The following PRR12 variants were observed in gnomAD, a reference collection of about 807,000 sequenced individuals.
The protein encoded by PRR12 is proline-rich protein 12.
A neutral mutation model predicts 138.0 loss-of-function variants in PRR12; 12 were observed. The observed-to-expected ratio is 0.09, with a 90% confidence interval of 0.06 to 0.14. The LOEUF (loss-of-function observed/expected upper bound fraction) is 0.14. PRR12 is among the 10% of genes least tolerant of loss of function. PRR12 has a pLI of 1.00. For missense variants in PRR12, 2,692 were observed against 2,861.3 expected, an observed-to-expected ratio of 0.94 and a Z score of 1.35; for synonymous variants, 1,567 against 1,291.7, an observed-to-expected ratio of 1.21 and a Z score of -4.57.
intron 4 of PRR12, among the ~76,000 whole-genome samples, chr19:49,598,604 G>A (rs1402031479): frequency 6.6e-6 from 1 of 152,134 alleles, no homozygotes; most frequent in African/African-American, 2.4e-5. Context: ...AGGATCTCTT[G>A]AACCCAGATG....
Position 49,625,058 on chromosome 19 carries a change from G to C in PRR12, c.5869-47G>C. ...TATGTGGGAAGGGAGGAGAGGGGCT[G>C]CCAAGTGCCGGGCTGGAGGGGCTGA... On this transcript the variant is annotated intron_variant, in intron 12 of 13. Transcript: ENST00000418929. This position sits in a 1 kb window ranked among gnomAD's most constrained non-coding sequence, Gnocchi z 5.5. 1 of 1,612,224 alleles carries C rather than the reference G, an allele frequency of 6.2e-7. No individual in the cohort carries two copies. The highest frequency in any genetic ancestry group is 8.5e-7 in the Non-Finnish European group (1 of 1,178,556).
chr19:49,618,893 G>A (rs1407152095), intron 9 of PRR12, among the ~76,000 whole-genome samples: 1 of 151,802 alleles, frequency 6.6e-6, no homozygotes, highest in Non-Finnish European at 1.5e-5. Context: ...GCTTGGCTTA[G>A]GAGGGATCTT....
Position 49,625,786 on chromosome 19 carries a change from G to C in PRR12, c.*179G>C. The C allele has an allele frequency of 1.5e-6, 1 of 647,974 alleles. No homozygotes were observed. The highest frequency in any genetic ancestry group is 2.4e-6 in the Non-Finnish European group (1 of 420,372). 40.1% of individuals were successfully genotyped at this position (647,974 alleles called of 1,614,324 possible). A position where few individuals can be genotyped will look rare whatever the true frequency, so the allele number is the denominator to read the frequency against. On this transcript the variant is annotated 3_prime_UTR_variant, in exon 14 of 14. Coordinates refer to ENST00000418929, the MANE Select transcript of PRR12 (RefSeq NM_020719.3). The surrounding 1 kb of genome is among the most constrained non-coding windows in gnomAD (Gnocchi z 5.5). ...AAGTCCGACTCCCCCCCTCTCCCAAGCCCCCTCCACTCCCTCCCCATTCCT... is the reference window on the plus strand; with the variant it reads ...AAGTCCGACTCCCCCCCTCTCCCAACCCCCCTCCACTCCCTCCCCATTCCT...
intron 9 of PRR12, among the ~76,000 whole-genome samples, chr19:49,619,622 A>C (rs1415687473): frequency 3.0e-5 from 4 of 131,280 alleles, no homozygotes; most frequent in Non-Finnish European, 6.3e-5. Context: ...GCTCACCGCA[A>C]CCTCCGCCTC....
chr19:49,601,940 A>C, intron 6 of PRR12, 22 bp downstream of exon 6: 1 of 1,605,068 alleles, frequency 6.2e-7, no homozygotes, highest in East Asian at 2.2e-5. Context: ...CCTTCTCCAG[A>C]AACTGGGCCT....
intron 1 of PRR12, among the ~76,000 whole-genome samples, chr19:49,592,259 C>T (rs1193299708): frequency 6.7e-6 from 1 of 149,816 alleles, no homozygotes; most frequent in Non-Finnish European, 1.5e-5. Context: ...CGCCCCCTTC[C>T]TAAGCTGGGG....
chr19:49,592,065 C>G (rs2080731672), intron 1 of PRR12, among the ~76,000 whole-genome samples: 1 of 152,084 alleles, frequency 6.6e-6, no homozygotes, highest in South Asian at 2.1e-4. Context: ...GGATTCCCGG[C>G]TTGGTGACCC....
At position 49,594,475 on chromosome 19, in the gene PRR12, C is replaced by T; in HGVS notation, c.221C>T (p.Thr74Ile). 1 of 1,610,690 alleles carries T rather than the reference C, an allele frequency of 6.2e-7. No homozygotes were observed. Among genetic ancestry groups the T allele is most frequent in the Non-Finnish European group, 8.5e-7 (1 of 1,178,702 alleles). The change falls in exon 3 of 14, where the codon ACT becomes ATT. Residue 74 changes from threonine (T) to isoleucine (I), a missense_variant. By Grantham distance (89) the Thr-to-Ile change is moderately conservative. Transcript: ENST00000418929. The surrounding 1 kb of genome is among the most constrained non-coding windows in gnomAD (Gnocchi z 5.6). ...CCAGGCCTCTCTGGACTCTTCGACACTGGCCTCCACCACGCGGGCTCAGCA... is the reference window on the plus strand; with the variant it reads ...CCAGGCCTCTCTGGACTCTTCGACATTGGCCTCCACCACGCGGGCTCAGCA... ...HPAGLSGLFDTGLHHAGSAGP... is the reference protein window; with the variant it reads ...HPAGLSGLFDIGLHHAGSAGP...
chr19:49,617,130 CAA>C (rs774039937), intron 9 of PRR12, among the ~76,000 whole-genome samples: 10 of 75,998 alleles, frequency 1.3e-4, no homozygotes, highest in Middle Eastern at 7.6e-3. Flanking sequence ...GACTCCGTCT[CAA>C]AAAAAAAAAA....
At chr19:49,607,139 A>G (rs537042429) in intron 6 of PRR12, among the ~76,000 whole-genome samples, 59 of 152,094 alleles carry the variant, frequency 3.9e-4, no homozygotes, top group Non-Finnish European at 8.1e-4. Context: ...AAGGAAAAAA[A>G]AAAGAAAGAA....
In PRR12 at chr19:49,595,009, C is replaced by A. The variant is rs772629285; in HGVS notation, c.674C>A (p.Pro225His). The A allele has an allele frequency of 2.5e-6, 4 of 1,599,178 alleles. No individual in the cohort carries two copies. The East Asian group carries it at 9.1e-5, about 36-fold the overall frequency. Residue 225 changes from proline to histidine, a missense_variant, in exon 4 of 14, where the codon CCC becomes CAC. Around this residue, in one of 11 missense-constraint regions of PRR12, gnomAD observed 523 missense variants for 496.4 expected, o/e 1.05. Transcript: ENST00000418929. ...GCTGGTCTCGGTCCAGCCCAGACCC[C>A]CCCTTACCGCCCTGGCCCCCCAGAC... ...GPAGLGPAQTPPYRPGPPDPP... is the reference protein window; with the variant it reads ...GPAGLGPAQTHPYRPGPPDPP...
At chr19:49,610,357 A>G (rs1213187008) in intron 6 of PRR12, among the ~76,000 whole-genome samples, 1 of 152,030 alleles carries the variant, frequency 6.6e-6, no homozygotes, top group Non-Finnish European at 1.5e-5. Context: ...CTTACACCAC[A>G]TGTCTTAGCT....
chr19:49,593,629 C>T (rs1283105328), intron 2 of PRR12, among the ~76,000 whole-genome samples, 190 bp downstream of exon 2: 1 of 152,068 alleles, frequency 6.6e-6, no homozygotes, highest in Non-Finnish European at 1.5e-5. Flanking sequence ...CGGATTCGTC[C>T]GCCCCTGCCT....
Position 49,596,751 on chromosome 19 carries a change from C to T in PRR12, c.2416C>T (p.Leu806Phe). 2 of 1,604,670 alleles carry T rather than the reference C, an allele frequency of 1.2e-6. No homozygotes were observed. Among genetic ancestry groups the T allele is most frequent in the South Asian group, 1.1e-5 (1 of 90,952 alleles). Residue 806 changes from leucine to phenylalanine, a missense_variant, in exon 4 of 14, where the codon CTC becomes TTC. Around this residue, in one of 11 missense-constraint regions of PRR12, gnomAD observed 840 missense variants for 689.8 expected, o/e 1.22. Coordinates refer to ENST00000418929, the MANE Select transcript of PRR12 (RefSeq NM_020719.3). This position sits in a 1 kb window ranked among gnomAD's most constrained non-coding sequence, Gnocchi z 5.6. ...PPPPQLLPSV[L>F]SHAPSPSPSA... ...TCCCCCCCAGCTGCTCCCCTCGGTC[C>T]TCAGCCATGCCCCCAGTCCCTCTCC... is the stretch of plus-strand genomic sequence containing the variant.
chr19:49,621,053 G>GA (rs1357100493), intron 10 of PRR12, among the ~76,000 whole-genome samples: 4 of 111,332 alleles, frequency 3.6e-5, no homozygotes, highest in African/African-American at 3.7e-5. Flanking sequence ...AGGGAGGAGG[G>GA]GCTGGGGCCT....
chr19:49,597,894 C>T lies in PRR12; in HGVS notation c.3559C>T (p.Pro1187Ser), dbSNP rs1251010222. ...RPLEVPTTAG[P>S]ASASTPTDGA... is the part of the protein sequence containing the mutation. ...CCTGGAGGTCCCGACCACTGCGGGG[C>T]CCGCCTCGGCCTCCACGCCCACCGA... The change falls in exon 4 of 14, where the codon CCC (proline) becomes TCC (serine). Residue 1187 changes from proline (P) to serine (S), a missense_variant. This residue lies in a region of PRR12 where 326 missense variants were observed against 344.2 expected (regional missense o/e 0.95). Transcript: ENST00000418929. The surrounding 1 kb of genome is among the most constrained non-coding windows in gnomAD (Gnocchi z 6.3). 1.4e-6 allele frequency: 2 copies of T among 1,419,912 alleles called. No homozygotes were observed. Among genetic ancestry groups the T allele is most frequent in the Non-Finnish European group, 9.2e-7 (1 of 1,090,590 alleles). The allele number at this position is 1,419,912 out of a possible 1,614,324, so 88.0% of individuals were successfully genotyped here.
intron 9 of PRR12, 132 bp from the exon 10 acceptor site, chr19:49,620,220 T>C: frequency 8.0e-7 from 1 of 1,245,252 alleles, no homozygotes; most frequent in Non-Finnish European, 1.1e-6. Context: ...CCTGTCAATC[T>C]TCCCTAGCGG....
At position 49,597,610 on chromosome 19, in the gene PRR12, A is replaced by T; in HGVS notation, c.3275A>T (p.Lys1092Met). Reference protein sequence around the residue: ...RRRDPPFQTPKKLYAQEYEFE... With the variant: ...RRRDPPFQTPMKLYAQEYEFE... ...CGCGACCCACCCTTCCAGACCCCCA[A>T]GAAGCTGTACGCCCAGGAGTACGAG... is the stretch of plus-strand genomic sequence containing the variant. The change falls in exon 4 of 14, where the codon AAG becomes ATG. Residue 1092 changes from lysine (K) to methionine (M), a missense_variant. Coordinates refer to ENST00000418929, the MANE Select transcript of PRR12 (RefSeq NM_020719.3). This position sits in a 1 kb window ranked among gnomAD's most constrained non-coding sequence, Gnocchi z 6.3. 1 of 1,609,996 alleles carries T rather than the reference A, an allele frequency of 6.2e-7. No individual in the cohort carries two copies. The highest frequency in any genetic ancestry group is 1.3e-5 in the African/African-American group (1 of 74,934).
chr19:49,610,609 C>T lies in PRR12; in HGVS notation c.4774-3924C>T, dbSNP rs765428925. Among the ~76,000 whole-genome samples the T allele has an allele frequency of 5.6e-5, 8 of 142,882 alleles. No individual in the cohort carries two copies. In the South Asian group the frequency reaches 8.8e-4, roughly 16 times the overall value. The allele number at this position is 142,882 out of a possible 152,430, so 93.7% of individuals were successfully genotyped here. On this transcript the variant is annotated intron_variant, in intron 6 of 13. Transcript: ENST00000418929. ...CCAAGCTGGAGTGCTGTGGCGCGAT[C>T]TCAGCTCACTACAAGCTCCGCCTCT...
Sources: allele counts gnomAD v4.1 joint callset (sites outside exome capture counted in the v4.1 genomes callset), GRCh38; gene constraint gnomAD v4.1.1; regional missense constraint gnomAD v4.1.1; non-coding constraint Gnocchi (gnomAD v3.1); transcripts MANE v1.5; gene names NCBI Gene and HGNC (gene_info 2026-07-23, HGNC 2026-07-21).